The following PRKG1 variants were observed in gnomAD, a reference collection of about 807,000 sequenced individuals.
PRKG1 encodes the protein protein kinase cGMP-dependent 1.
PRKG1 carries 35 observed loss-of-function variants against 88.1 expected under a neutral mutation model. The observed-to-expected ratio is 0.40, with a 90% confidence interval of 0.30 to 0.53. The LOEUF is 0.53. Among genes scored for constraint, PRKG1 ranks in the 20% least tolerant of loss-of-function variants. The probability of loss-of-function intolerance (pLI) is 0.59; values close to 1 mark genes in which losing one functional copy is unlikely to be tolerated. For missense variants in PRKG1, 540 were observed against 839.8 expected, an observed-to-expected ratio of 0.64 and a Z score of 4.41; for synonymous variants, 303 against 292.5, an observed-to-expected ratio of 1.04 and a Z score of -0.37.
At chr10:51,729,700 C>T in intron 3 of PRKG1, among the ~76,000 whole-genome samples, 1 of 82,508 alleles carries the variant, frequency 1.2e-5, no homozygotes, top group South Asian at 4.5e-4. Flanking sequence ...GAGTGAGACT[C>T]CATCTCAAAA....
At chr10:51,487,779 C>T (rs1840591545) in intron 3 of PRKG1, among the ~76,000 whole-genome samples, 2 of 152,082 alleles carry the variant, frequency 1.3e-5, no homozygotes, top group Non-Finnish European at 2.9e-5. Flanking sequence ...CATATATCTG[C>T]CAGATAAAAG....
chr10:51,689,198 C>T (rs916169443), intron 3 of PRKG1, among the ~76,000 whole-genome samples: 4 of 152,046 alleles, frequency 2.6e-5, no homozygotes, highest in African/African-American at 9.7e-5. Flanking sequence ...TGAAAACAGA[C>T]TAATACACCA....
intron 4 of PRKG1, among the ~76,000 whole-genome samples, chr10:51,852,209 ATG>A (rs200075949): frequency 7.0e-5 from 10 of 142,064 alleles, no homozygotes; most frequent in African/African-American, 2.6e-4. Context: ...TAAGTTTTAT[ATG>A]TGTATATATA....
At chr10:51,535,209 G>A (rs1320882458) in intron 3 of PRKG1, among the ~76,000 whole-genome samples, 1 of 152,042 alleles carries the variant, frequency 6.6e-6, no homozygotes, top group Admixed American at 6.5e-5. Flanking sequence ...ATATTATGTG[G>A]TGTGTTCTCA....
intron 3 of PRKG1, among the ~76,000 whole-genome samples, chr10:51,582,798 G>A (rs368708967): frequency 1.1e-4 from 16 of 152,182 alleles, no homozygotes; most frequent in East Asian, 5.8e-4. Flanking sequence ...CAGAGAAACC[G>A]TCATGGGTAA....
intron 3 of PRKG1, among the ~76,000 whole-genome samples, chr10:51,609,380 A>G (rs1316913231): frequency 6.6e-6 from 1 of 152,164 alleles, no homozygotes; most frequent in Non-Finnish European, 1.5e-5. Context: ...AAAAATTTAC[A>G]CTTTTGGTGA....
chr10:51,705,890 C>T (rs561185849), intron 3 of PRKG1, among the ~76,000 whole-genome samples: 1 of 152,288 alleles, frequency 6.6e-6, no homozygotes, highest in Non-Finnish European at 1.5e-5. Context: ...ATAACGACAA[C>T]CTGAAAGCAG....
intron 2 of PRKG1, among the ~76,000 whole-genome samples, chr10:51,441,184 CAACTT>C (rs1459666312): frequency 3.3e-5 from 5 of 151,822 alleles, no homozygotes; most frequent in African/African-American, 9.7e-5. Flanking sequence ...AAAAAAGTAT[CAACTT>C]AACACTGAAG....
intron 3 of PRKG1, among the ~76,000 whole-genome samples, chr10:51,521,028 C>T (rs190206313): frequency 7.9e-5 from 12 of 152,334 alleles, no homozygotes; most frequent in Non-Finnish European, 1.3e-4. Context: ...TGGTGGCTCA[C>T]GCCTGTAATC....
chr10:51,052,011 A>C (rs867061520), intron 1 of PRKG1, among the ~76,000 whole-genome samples: 1 of 152,224 alleles, frequency 6.6e-6, no homozygotes, highest in Non-Finnish European at 1.5e-5. Flanking sequence ...CAGAAAAAAG[A>C]TAAAGGACTT....
intron 5 of PRKG1, among the ~76,000 whole-genome samples, chr10:51,919,083 A>T (rs896215136): frequency 6.6e-6 from 1 of 152,150 alleles, no homozygotes; most frequent in Non-Finnish European, 1.5e-5. Context: ...TAATGTGGGT[A>T]TTCAGTTCCA....
At chr10:51,426,265 AG>A (rs1192642233) in intron 2 of PRKG1, among the ~76,000 whole-genome samples, 1 of 152,158 alleles carries the variant, frequency 6.6e-6, no homozygotes, top group Non-Finnish European at 1.5e-5. Flanking sequence ...TGGGCGACAG[AG>A]CAAGACTCTG....
chr10:51,273,313 T>C (rs61115951), intron 2 of PRKG1, among the ~76,000 whole-genome samples: 19,545 of 147,084 alleles, frequency 0.13, 1,382 homozygotes, highest in East Asian at 0.19. Context: ...GAATTTGAGA[T>C]TAACCTGGGC....
At chr10:51,783,524 C>T (rs951039489) in intron 3 of PRKG1, among the ~76,000 whole-genome samples, 1 of 152,216 alleles carries the variant, frequency 6.6e-6, no homozygotes, top group East Asian at 1.9e-4. Context: ...TCAAGTAGTC[C>T]ACCTGCCTCG....
chr10:51,043,094 G>T (rs904735590), intron 1 of PRKG1, among the ~76,000 whole-genome samples: 1 of 152,074 alleles, frequency 6.6e-6, no homozygotes, highest in Non-Finnish European at 1.5e-5. Context: ...AAGGGACAAG[G>T]GGATTGAGCC....
chr10:51,830,261 C>A (rs1186214842), intron 4 of PRKG1, among the ~76,000 whole-genome samples: 2 of 152,172 alleles, frequency 1.3e-5, no homozygotes, highest in Non-Finnish European at 2.9e-5. Flanking sequence ...ACTATTTTCA[C>A]ACACTCTTGA....
Position 52,296,391 on chromosome 10 carries a change from T to G in PRKG1, c.*2491T>G, listed in dbSNP as rs1842383948. ...ATAGCATTGCATTTGATGTCTGAAG[T>G]AATTACCACAAAATAAAGGTAAACT... On this transcript the variant is annotated 3_prime_UTR_variant, in exon 18 of 18. Coordinates refer to ENST00000373980, the MANE Select transcript of PRKG1 (RefSeq NM_006258.4). 1 of 152,074 alleles carries G rather than the reference T, an allele frequency of 6.6e-6. No individual in the cohort carries two copies. Among genetic ancestry groups the G allele is most frequent in the African/African-American group, 2.4e-5 (1 of 41,444 alleles). 9.4% of individuals were successfully genotyped at this position (152,074 alleles called of 1,614,324 possible).
chr10:51,460,244 A>G (rs17610273), intron 2 of PRKG1, among the ~76,000 whole-genome samples: 2,697 of 152,188 alleles, frequency 0.018, 37 homozygotes, highest in Middle Eastern at 0.051. Flanking sequence ...TACTCACCCA[A>G]GCTTAATATT....
Position 51,622,313 on chromosome 10 carries a change from G to A in PRKG1, c.592+154477G>A, listed in dbSNP as rs565848863. On this transcript the variant is annotated intron_variant, in intron 3 of 17. Transcript: ENST00000373980. ...TCCAATGTCTTCAGGGAATATAGATGCTTCACCTTCAGGCTTCTTTACCTT... is the reference window on the plus strand; with the variant it reads ...TCCAATGTCTTCAGGGAATATAGATACTTCACCTTCAGGCTTCTTTACCTT... Among the ~76,000 whole-genome samples the A allele has an allele frequency of 7.2e-5, 11 of 152,280 alleles. No individual in the cohort carries two copies. In the East Asian group the frequency reaches 1.9e-3, roughly 27 times the overall value.
Sources: gnomAD v4.1 joint callset for allele counts (sites outside exome capture counted in the v4.1 genomes callset) on GRCh38, gnomAD v4.1.1 for gene constraint, MANE v1.5 for transcripts, NCBI Gene and HGNC (gene_info 2026-07-23, HGNC 2026-07-21) for gene names.